TASP1: variants seen among roughly 807,000 people sequenced by gnomAD.
The protein encoded by TASP1 is threonine aspartase 1.
Under a neutral mutation model 56.6 loss-of-function variants are expected in TASP1, and 16 were observed. That is an observed-to-expected ratio of 0.28 (90% CI 0.19 to 0.43). The LOEUF (loss-of-function observed/expected upper bound fraction) is 0.43, where lower values mean the gene tolerates loss of function less well. TASP1 is among the 20% of genes least tolerant of loss of function. The pLI, the probability that TASP1 is intolerant of heterozygous loss-of-function variation, is 1.00. For synonymous variants in TASP1, 179 were observed against 184.2 expected (o/e 0.97, Z 0.23); for missense variants, 393 against 511.6 (o/e 0.77, Z 2.24).
intron 8 of TASP1, among the ~76,000 whole-genome samples, chr20:13,548,501 T>C (rs142045802): frequency 6.6e-6 from 1 of 152,224 alleles, no homozygotes; most frequent in African/African-American, 2.4e-5. Flanking sequence ...CTTCATTAAA[T>C]AGCTGCTAAT....
intron 11 of TASP1, among the ~76,000 whole-genome samples, chr20:13,465,215 A>C (rs1053698098): frequency 2.6e-5 from 4 of 151,262 alleles, no homozygotes; most frequent in African/African-American, 4.8e-5. Flanking sequence ...GGAAAAAAAA[A>C]GGTTAAAATG....
chr20:13,153,994 T>G, the TASP1 span: 58 of 1,613,048 alleles, frequency 3.6e-5, no homozygotes, highest in Middle Eastern at 3.3e-4. Flanking sequence ...CACGCCTGTC[T>G]CTTTTCAGGG....
intron 6 of TASP1, among the ~76,000 whole-genome samples, chr20:13,571,866 G>A (rs1012135861): frequency 1.3e-5 from 2 of 152,012 alleles, no homozygotes; most frequent in Admixed American, 6.5e-5. Context: ...ATACCAAGGA[G>A]GCTCCAGCCT....
At chr20:13,154,434 T>C in the TASP1 span, among the ~76,000 whole-genome samples, 4 of 152,158 alleles carry the variant, frequency 2.6e-5, no homozygotes, top group African/African-American at 9.7e-5. Flanking sequence ...ATCCTGAGCC[T>C]CCTTCTGACC....
chr20:13,281,804 A>C, the TASP1 span, among the ~76,000 whole-genome samples: 1 of 152,210 alleles, frequency 6.6e-6, no homozygotes, highest in Non-Finnish European at 1.5e-5. Flanking sequence ...TTGTGGCTTC[A>C]CCTGTTTGCC....
chr20:13,279,833 C>G, the TASP1 span: 8,503 of 1,613,882 alleles, frequency 5.3e-3, 302 homozygotes, highest in Admixed American at 0.073. Flanking sequence ...CTCAACCCCC[C>G]CAGGGGGTGG....
At chr20:13,167,908 C>A in the TASP1 span, 1 of 152,152 alleles carries the variant, frequency 6.6e-6, no homozygotes, top group Non-Finnish European at 1.5e-5. Context: ...AACCAATTGA[C>A]TCTAATAGCA....
At chr20:13,286,863 G>A in the TASP1 span, among the ~76,000 whole-genome samples, 1 of 152,240 alleles carries the variant, frequency 6.6e-6, no homozygotes, top group Non-Finnish European at 1.5e-5. Context: ...ATGAACAGAG[G>A]GTACTCCCTC....
intron 4 of TASP1, among the ~76,000 whole-genome samples, chr20:13,588,479 C>T (rs1034979405): frequency 1.3e-5 from 2 of 151,900 alleles, no homozygotes; most frequent in Non-Finnish European, 2.9e-5. Context: ...AGGAAGGTTG[C>T]AGGATATGAG....
chr20:13,139,628 C>T, the TASP1 span, among the ~76,000 whole-genome samples: 1 of 152,174 alleles, frequency 6.6e-6, no homozygotes, highest in Non-Finnish European at 1.5e-5. Flanking sequence ...GTTTGTAACT[C>T]AGTCACATGA....
the TASP1 span, among the ~76,000 whole-genome samples, chr20:13,186,585 A>G: frequency 6.6e-6 from 1 of 151,926 alleles, no homozygotes; most frequent in African/African-American, 2.4e-5. Context: ...ATTACAAAAC[A>G]CTCCCCTTCC....
chr20:13,469,180 A>G (rs147284230), intron 11 of TASP1, among the ~76,000 whole-genome samples: 1 of 152,186 alleles, frequency 6.6e-6, no homozygotes, highest in Non-Finnish European at 1.5e-5. Context: ...CCAACCAAAA[A>G]ATATTACCAA....
At chr20:13,193,042 G>T in the TASP1 span, among the ~76,000 whole-genome samples, 1 of 152,106 alleles carries the variant, frequency 6.6e-6, no homozygotes, top group Admixed American at 6.5e-5. Context: ...ACTGAGATTA[G>T]CTTTCCAGAA....
At chr20:13,166,004 TG>T in the TASP1 span, 2 of 152,520 alleles carry the variant, frequency 1.3e-5, no homozygotes, top group Non-Finnish European at 2.9e-5. Flanking sequence ...CAAACCTCTA[TG>T]GAAAAGTAGC....
intron 13 of TASP1, among the ~76,000 whole-genome samples, chr20:13,410,009 C>T (rs2042045055): frequency 6.6e-6 from 1 of 152,182 alleles, no homozygotes; most frequent in African/African-American, 2.4e-5. Context: ...TGGTATTTAT[C>T]ACTGTACTCT....
intron 8 of TASP1, among the ~76,000 whole-genome samples, chr20:13,553,807 G>A (rs1025072343): frequency 1.3e-5 from 2 of 152,064 alleles, no homozygotes; most frequent in Admixed American, 6.6e-5. Context: ...CACTGTAAAC[G>A]ACCTACCAAA....
At chr20:13,393,252 A>C (rs2041362458) in intron 13 of TASP1, 2 of 739,714 alleles carry the variant, frequency 2.7e-6, no homozygotes, top group Non-Finnish European at 2.5e-6. Context: ...CCCCTCCGGG[A>C]AACTGTGGCA....
At chr20:13,182,524 T>C in the TASP1 span, among the ~76,000 whole-genome samples, 1 of 152,152 alleles carries the variant, frequency 6.6e-6, no homozygotes, top group Non-Finnish European at 1.5e-5. Context: ...ATTTCTATCC[T>C]GGAATACCCT....
chr20:13,577,247 G>A (rs2046957572), intron 6 of TASP1, among the ~76,000 whole-genome samples: 1 of 152,184 alleles, frequency 6.6e-6, no homozygotes, highest in African/African-American at 2.4e-5. Flanking sequence ...ATCATAAGAC[G>A]TTGTAGGTAG....
Sources: gnomAD v4.1 joint callset for allele counts (sites outside exome capture counted in the v4.1 genomes callset) on GRCh38, gnomAD v4.1.1 for gene constraint, MANE v1.5 for transcripts, NCBI Gene and HGNC (gene_info 2026-07-23, HGNC 2026-07-21) for gene names.